Variants in BZW2 observed in about 807,000 individuals in gnomAD.
BZW2 encodes eIF5-mimic protein 1.
A neutral mutation model predicts 53.2 loss-of-function variants in BZW2; 23 were observed. That is an observed-to-expected ratio of 0.43 (90% confidence interval 0.31 to 0.61). The LOEUF is 0.61. BZW2 is among the 20% of genes least tolerant of loss of function. The pLI is 0.09. For missense variants in BZW2, 409 were observed against 503.1 expected, an observed-to-expected ratio of 0.81 and a Z score of 1.79; for synonymous variants, 227 against 186.4, an observed-to-expected ratio of 1.22 and a Z score of -1.77.
intron 1 of BZW2, among the ~76,000 whole-genome samples, chr7:16,656,807 G>A (rs1479378320): frequency 6.6e-6 from 1 of 152,140 alleles, no homozygotes; most frequent in Non-Finnish European, 1.5e-5. Context: ...ATGGACCTAT[G>A]GGTTTGTATT....
chr7:16,657,691 T>C (rs74838346), intron 1 of BZW2, among the ~76,000 whole-genome samples: 2,383 of 152,274 alleles, frequency 0.016, 45 homozygotes, highest in African/African-American at 0.052. Context: ...CTTTTTTTTT[T>C]CTAAAATTTG....
chr7:16,670,664 G>C (rs536417043), intron 2 of BZW2, among the ~76,000 whole-genome samples: 41 of 152,140 alleles, frequency 2.7e-4, no homozygotes, highest in African/African-American at 8.4e-4. Flanking sequence ...CTTTTCAGTG[G>C]GTTCCTTTTG....
At chr7:16,705,559 C>G (rs1051766721) in intron 11 of BZW2, among the ~76,000 whole-genome samples, 1 of 150,822 alleles carries the variant, frequency 6.6e-6, no homozygotes, top group Non-Finnish European at 1.5e-5. Context: ...GTGGTGGGCA[C>G]CTGTAGTCAC....
intron 3 of BZW2, among the ~76,000 whole-genome samples, 186 bp downstream of exon 3, chr7:16,674,774 T>C (rs1782717677): frequency 1.3e-5 from 2 of 152,204 alleles, no homozygotes; most frequent in Non-Finnish European, 2.9e-5. Flanking sequence ...GAAATGATTA[T>C]TGGTTAATAG....
chr7:16,672,428 A>G (rs1782630063), intron 2 of BZW2, among the ~76,000 whole-genome samples: 1 of 151,902 alleles, frequency 6.6e-6, no homozygotes, highest in African/African-American at 2.4e-5. Context: ...TACTTTTCCT[A>G]TCATATTTTT....
At chr7:16,703,533 A>G (rs192458909) in intron 10 of BZW2, among the ~76,000 whole-genome samples, 21 of 152,344 alleles carry the variant, frequency 1.4e-4, no homozygotes, top group Non-Finnish European at 2.4e-4. Flanking sequence ...ATATCATTAA[A>G]GTAATTTATT....
At chr7:16,649,719 A>G (rs1781943387) in intron 1 of BZW2, among the ~76,000 whole-genome samples, 2 of 152,168 alleles carry the variant, frequency 1.3e-5, no homozygotes, top group African/African-American at 2.4e-5. Context: ...TTGGAAGTAG[A>G]TTACGGTTAT....
intron 5 of BZW2, among the ~76,000 whole-genome samples, chr7:16,683,840 C>G (rs1337180666): frequency 6.6e-6 from 1 of 152,132 alleles, no homozygotes; most frequent in Non-Finnish European, 1.5e-5. Flanking sequence ...TACTTCTTCC[C>G]TACTTACTTA....
intron 5 of BZW2, 90 bp from the exon 6 acceptor site, chr7:16,685,814 TA>T: frequency 1.4e-6 from 2 of 1,410,712 alleles, no homozygotes; most frequent in Non-Finnish European, 1.9e-6. Flanking sequence ...GTTCACAGTT[TA>T]TCTTCCCACT....
chr7:16,695,336 TTTTGTTGCAGGTTATCTA>T (rs1337968146), intron 8 of BZW2, among the ~76,000 whole-genome samples: 1 of 152,210 alleles, frequency 6.6e-6, no homozygotes, highest in East Asian at 1.9e-4. Flanking sequence ...AGTTTTAAAA[TTTTGTTGCAGGTTATCTA>T]ACCTGATTAA....
In BZW2 at chr7:16,650,822, C is replaced by T. The variant is rs148069973; in HGVS notation, c.-8+4534C>T. 5.3e-5 allele frequency among the ~76,000 whole-genome samples: 8 copies of T among 152,254 alleles called. No homozygotes were observed. In the East Asian group the frequency reaches 9.7e-4, roughly 18 times the overall value. ...AGGTGCCGAGTGGAATGATTTGCCC[C>T]GTTCTAAATTTGGCGTGTATTAAGT... On this transcript the variant is annotated intron_variant, in intron 1 of 11. Transcript: ENST00000258761.
Position 16,667,132 on chromosome 7 carries a change from A to G in BZW2, c.58+1631A>G, listed in dbSNP as rs145096375. 4.6e-3 allele frequency among the ~76,000 whole-genome samples: 699 copies of G among 151,488 alleles called. 4 individuals carry two copies. Among genetic ancestry groups the G allele is most frequent in the African/African-American group, 0.016 (655 of 41,292 alleles). On this transcript the variant is annotated intron_variant, in intron 2 of 11. Transcript: ENST00000258761. ...ACCCAGTCTCTACTAAAAGTACAAA[A>G]TTAGCCAGGCGTGGTGGCGCATGCC...
At chr7:16,650,677 A>G (rs1781963152) in intron 1 of BZW2, among the ~76,000 whole-genome samples, 1 of 152,228 alleles carries the variant, frequency 6.6e-6, no homozygotes, top group Non-Finnish European at 1.5e-5. Flanking sequence ...AAGAATATTT[A>G]ATTAATATGA....
chr7:16,671,204 TC>T (rs1782587122), intron 2 of BZW2, among the ~76,000 whole-genome samples: 1 of 152,168 alleles, frequency 6.6e-6, no homozygotes, highest in South Asian at 2.1e-4. Context: ...TCCCCATACT[TC>T]CTGTCCTTCT....
At chr7:16,647,810 A>G (rs889171721) in intron 1 of BZW2, among the ~76,000 whole-genome samples, 8 of 152,262 alleles carry the variant, frequency 5.3e-5, no homozygotes, top group African/African-American at 1.9e-4. Context: ...GTGATTTAGC[A>G]TCTTACCAGC....
rs75713868 is a variant in BZW2 at position 16,662,719 on chromosome 7, T to C, written c.-7-2718T>C. On this transcript the variant is annotated intron_variant, in intron 1 of 11. Transcript: ENST00000258761. Reference sequence around the variant, plus strand: ...ATTGCTTGAGTCCAGGAGTTTGAAGTCACCCTGGTCAACATAGTAACACCC... The same window carrying C: ...ATTGCTTGAGTCCAGGAGTTTGAAGCCACCCTGGTCAACATAGTAACACCC... 3.3e-3 allele frequency among the ~76,000 whole-genome samples: 497 copies of C among 151,898 alleles called. 6 individuals are homozygous for C. In the East Asian group the frequency reaches 0.041, roughly 13 times the overall value.
intron 1 of BZW2, 92 bp from the exon 2 acceptor site, chr7:16,665,345 T>C: frequency 6.8e-7 from 1 of 1,470,110 alleles, no homozygotes; most frequent in Non-Finnish European, 9.5e-7. Context: ...ATGAGTGAGG[T>C]TGAACATATG....
chr7:16,691,786 A>G (rs1783315719), intron 7 of BZW2, among the ~76,000 whole-genome samples: 1 of 152,216 alleles, frequency 6.6e-6, no homozygotes, highest in African/African-American at 2.4e-5. Context: ...GATATTCACA[A>G]CTATAGCCTG....
intron 1 of BZW2, among the ~76,000 whole-genome samples, chr7:16,654,508 A>T (rs981692401): frequency 1.4e-5 from 1 of 71,304 alleles, no homozygotes; most frequent in Non-Finnish European, 2.6e-5. Context: ...TTCTGTATAT[A>T]ACCCCCCCCC....
Sources: allele counts gnomAD v4.1 joint callset (sites outside exome capture counted in the v4.1 genomes callset), GRCh38; gene constraint gnomAD v4.1.1; transcripts MANE v1.5; gene names NCBI Gene and HGNC (gene_info 2026-07-23, HGNC 2026-07-21).